The following AKAP19 variants were observed in gnomAD, a reference collection of about 807,000 sequenced individuals.
AKAP19 encodes A-kinase anchoring protein 19, also known as small A-kinase anchoring protein.
At chr2:190,023,146 T>C in the AKAP19 span, among the ~76,000 whole-genome samples, 4 of 152,224 alleles carry the variant, frequency 2.6e-5, no homozygotes, top group Non-Finnish European at 4.4e-5. Flanking sequence ...ATGATAATTA[T>C]ACATTTGTTC....
At chr2:189,990,507 A>T in the AKAP19 span, among the ~76,000 whole-genome samples, 2 of 151,970 alleles carry the variant, frequency 1.3e-5, no homozygotes, top group African/African-American at 4.8e-5. Flanking sequence ...AGTCCTCTTT[A>T]TGTGTTGTTG....
At chr2:190,029,358 A>G in the AKAP19 span, among the ~76,000 whole-genome samples, 2 of 152,026 alleles carry the variant, frequency 1.3e-5, no homozygotes, top group African/African-American at 4.8e-5. Context: ...AGCCACATGT[A>G]GGGATGTTTA....
the AKAP19 span, among the ~76,000 whole-genome samples, chr2:190,089,765 C>T: frequency 6.6e-6 from 1 of 152,158 alleles, no homozygotes; most frequent in South Asian, 2.1e-4. Flanking sequence ...ACAGGACTCC[C>T]CAGAGTCCTA....
the AKAP19 span, among the ~76,000 whole-genome samples, chr2:190,019,221 G>T: frequency 5.3e-5 from 8 of 152,286 alleles, no homozygotes; most frequent in African/African-American, 1.9e-4. Context: ...GGTAGGGAAG[G>T]TCTAGCCCCT....
the AKAP19 span, among the ~76,000 whole-genome samples, chr2:190,099,803 C>A: frequency 6.6e-6 from 1 of 152,172 alleles, no homozygotes; most frequent in Non-Finnish European, 1.5e-5. Flanking sequence ...CTCAGACTTA[C>A]CATGATATAA....
the AKAP19 span, chr2:190,062,261 G>A: frequency 1.4e-5 from 22 of 1,612,852 alleles, no homozygotes; most frequent in East Asian, 6.7e-5. Context: ...CCGTTGTAGC[G>A]TGATAATCGT....
chr2:190,031,401 A>G, the AKAP19 span, among the ~76,000 whole-genome samples: 8 of 152,182 alleles, frequency 5.3e-5, no homozygotes, highest in Non-Finnish European at 1.0e-4. Flanking sequence ...TTTATATCCA[A>G]TTGATGGACT....
At chr2:190,072,521 T>C in the AKAP19 span, among the ~76,000 whole-genome samples, 1 of 152,134 alleles carries the variant, frequency 6.6e-6, no homozygotes, top group Non-Finnish European at 1.5e-5. Flanking sequence ...GTCAATGAGG[T>C]TGATGAAAAA....
At chr2:190,007,409 T>C in the AKAP19 span, among the ~76,000 whole-genome samples, 2 of 152,212 alleles carry the variant, frequency 1.3e-5, no homozygotes, top group African/African-American at 2.4e-5. Flanking sequence ...CTTTTTTTGA[T>C]TGATTAATCA....
At chr2:190,005,009 G>A in the AKAP19 span, among the ~76,000 whole-genome samples, 1 of 152,180 alleles carries the variant, frequency 6.6e-6, no homozygotes, top group Admixed American at 6.5e-5. Context: ...AGCTCTTAAA[G>A]ATGGTGTGTC....
chr2:190,122,897 A>G, the AKAP19 span, among the ~76,000 whole-genome samples: 2 of 151,854 alleles, frequency 1.3e-5, no homozygotes, highest in South Asian at 2.1e-4. Context: ...GCAACCTTGA[A>G]CACTTGGGCT....
the AKAP19 span, among the ~76,000 whole-genome samples, chr2:190,045,564 C>T: frequency 6.6e-6 from 1 of 152,192 alleles, no homozygotes; most frequent in Admixed American, 6.5e-5. Context: ...GGCCCATACT[C>T]TCCAAATCCT....
the AKAP19 span, among the ~76,000 whole-genome samples, chr2:190,046,609 C>T: frequency 3.9e-5 from 6 of 152,244 alleles, no homozygotes; most frequent in East Asian, 3.9e-4. Flanking sequence ...ATGCTCAGTG[C>T]GTCAGAGGCA....
chr2:189,968,857 ATTTG>A, the AKAP19 span, among the ~76,000 whole-genome samples: 2 of 152,016 alleles, frequency 1.3e-5, no homozygotes, highest in South Asian at 2.1e-4. Context: ...AAAAATAGAT[ATTTG>A]TTTATTATAC....
chr2:189,927,655 A>T, the AKAP19 span, among the ~76,000 whole-genome samples: 1 of 152,178 alleles, frequency 6.6e-6, no homozygotes, highest in Non-Finnish European at 1.5e-5. Context: ...CTTAACCTCT[A>T]AACAGTTCAG....
the AKAP19 span, among the ~76,000 whole-genome samples, chr2:189,995,987 T>C: frequency 6.6e-6 from 1 of 152,350 alleles, no homozygotes; most frequent in South Asian, 2.1e-4. Flanking sequence ...TAAATTTTCC[T>C]TTATAGGTTA....
chr2:190,102,939 C>T, the AKAP19 span, among the ~76,000 whole-genome samples: 6 of 152,088 alleles, frequency 3.9e-5, no homozygotes, highest in African/African-American at 1.4e-4. Flanking sequence ...ATACAGAAAT[C>T]CTTAACGAAA....
At chr2:190,009,448 A>G in the AKAP19 span, among the ~76,000 whole-genome samples, 1 of 152,172 alleles carries the variant, frequency 6.6e-6, no homozygotes, top group Non-Finnish European at 1.5e-5. Context: ...TGGATGTGCT[A>G]TTGTGAGAGT....
chr2:190,116,149 A>G, the AKAP19 span, among the ~76,000 whole-genome samples: 7 of 152,314 alleles, frequency 4.6e-5, 1 homozygote, highest in South Asian at 1.5e-3. Flanking sequence ...AAAAAAGGGG[A>G]AAAATAACAA....
Sources: allele counts gnomAD v4.1 joint callset (sites outside exome capture counted in the v4.1 genomes callset), GRCh38; gene constraint gnomAD v4.1.1; transcripts MANE v1.5; gene names NCBI Gene and HGNC (gene_info 2026-07-23, HGNC 2026-07-21).